GSE1: variants seen among roughly 807,000 people sequenced by gnomAD.
The protein encoded by GSE1 is Gse1 coiled-coil protein.
GSE1 carries 32 observed loss-of-function variants against 112.6 expected under a neutral mutation model. That is an observed-to-expected ratio of 0.28 (90% confidence interval 0.21 to 0.38). The LOEUF (loss-of-function observed/expected upper bound fraction) is 0.38. Among genes scored for constraint, GSE1 ranks in the 10% least tolerant of loss-of-function variants. GSE1 has a pLI of 1.00. For synonymous variants in GSE1, 1,115 were observed against 735.6 expected (o/e 1.52, Z -8.35); for missense variants, 2,348 against 1,699.2 (o/e 1.38, Z -6.71).
At chr16:85,293,096 C>T (rs2045269292) in intron 1 of GSE1, among the ~76,000 whole-genome samples, 1 of 152,138 alleles carries the variant, frequency 6.6e-6, no homozygotes, top group South Asian at 2.1e-4. Flanking sequence ...CCACCGATCC[C>T]CCATGGTCAG....
chr16:85,201,916 G>C (rs532709103), intron 1 of GSE1, among the ~76,000 whole-genome samples: 2 of 152,192 alleles, frequency 1.3e-5, no homozygotes, highest in African/African-American at 4.8e-5. Context: ...AGGAAGCTAG[G>C]GCTTTTCAGT....
At chr16:85,560,116 T>TTTC (rs1474991209) in intron 1 of GSE1, among the ~76,000 whole-genome samples, 7 of 144,334 alleles carry the variant, frequency 4.8e-5, no homozygotes, top group African/African-American at 7.8e-5. Context: ...AGAGCTTTTT[T>TTTC]TTCTTCTTCT....
upstream of GSE1, chr16:85,613,133 A>G (rs2048103728): frequency 8.1e-7 from 1 of 1,238,976 alleles, no homozygotes; most frequent in African/African-American, 1.6e-5. Flanking sequence ...TGCGGCTGAA[A>G]CCCGACACCT....
At chr16:85,313,873 G>A (rs977492367) in intron 1 of GSE1, among the ~76,000 whole-genome samples, 1 of 152,140 alleles carries the variant, frequency 6.6e-6, no homozygotes, top group Non-Finnish European at 1.5e-5. Context: ...TACATGAACA[G>A]CAAATGCATC....
chr16:85,616,493 A>G (rs1302123147), intron 1 of GSE1, among the ~76,000 whole-genome samples: 2 of 152,188 alleles, frequency 1.3e-5, no homozygotes, highest in African/African-American at 4.8e-5. Flanking sequence ...GGATCGGGCC[A>G]GGGTTGGATG....
intron 1 of GSE1, among the ~76,000 whole-genome samples, chr16:85,271,588 G>A (rs1359435672): frequency 1.3e-5 from 2 of 152,226 alleles, no homozygotes; most frequent in Non-Finnish European, 2.9e-5. Context: ...GCCCACGCTG[G>A]CTTTCCTGCT....
At chr16:85,484,912 C>G (rs1464333742) in intron 2 of GSE1, among the ~76,000 whole-genome samples, 1 of 152,228 alleles carries the variant, frequency 6.6e-6, no homozygotes, top group African/African-American at 2.4e-5. Context: ...TCACCCTGTG[C>G]CTGCCCTGGG....
At chr16:85,364,552 G>A (rs1342624317) in intron 2 of GSE1, among the ~76,000 whole-genome samples, 1 of 152,186 alleles carries the variant, frequency 6.6e-6, no homozygotes, top group African/African-American at 2.4e-5. Context: ...AGGGTTCATG[G>A]TGGGTCTTCC....
At chr16:85,332,157 G>A (rs1189805074) in intron 1 of GSE1, among the ~76,000 whole-genome samples, 1 of 152,162 alleles carries the variant, frequency 6.6e-6, no homozygotes, top group Admixed American at 6.5e-5. Context: ...AGTGGGACAA[G>A]TACCAGAGGT....
chr16:85,198,552 A>G (rs116112402), intron 1 of GSE1, among the ~76,000 whole-genome samples: 5,080 of 150,658 alleles, frequency 0.034, 266 homozygotes, highest in African/African-American at 0.12. Flanking sequence ...GAGGGTCGGG[A>G]TGGGGGTAGC....
At chr16:85,288,217 G>T (rs1204213993) in intron 1 of GSE1, among the ~76,000 whole-genome samples, 1 of 152,136 alleles carries the variant, frequency 6.6e-6, no homozygotes, top group East Asian at 1.9e-4. Context: ...TCCAGCCTGG[G>T]TGACAGAGCA....
intron 2 of GSE1, among the ~76,000 whole-genome samples, chr16:85,543,819 G>C (rs1312646862): frequency 6.7e-6 from 1 of 149,928 alleles, no homozygotes; most frequent in Non-Finnish European, 1.5e-5. Context: ...GCTCCTTGGG[G>C]GACAGTTGGC....
intron 1 of GSE1, among the ~76,000 whole-genome samples, chr16:85,559,266 G>C (rs1214207801): frequency 1.3e-5 from 2 of 152,210 alleles, no homozygotes; most frequent in Non-Finnish European, 2.9e-5. Flanking sequence ...CCACTTATCA[G>C]ATGAGCAAAG....
rs1567692446 is a variant in GSE1, at chr16:85,331,353, G to GTATATATATATA, written c.2284-26109_2284-26108insATATATATATAT. Among the ~76,000 whole-genome samples, 22 of 71,806 alleles carry GTATATATATATA rather than the reference G, an allele frequency of 3.1e-4. 4 individuals are homozygous for GTATATATATATA. Among genetic ancestry groups the GTATATATATATA allele is most frequent in the African/African-American group, 7.6e-4 (21 of 27,586 alleles). 47.1% of individuals were successfully genotyped at this position (71,806 alleles called of 152,430 possible). On this transcript the variant is annotated intron_variant, in intron 1 of 2. Coordinates refer to the GSE1 transcript ENST00000637419. ...TGTGTGTGTGTGTGTGTGTGTGTGT[G>GTATATATATATA]TGTGTGTGTGTGTATATATGTATAT...
chr16:85,622,595 G>T (rs1236099990), intron 1 of GSE1, among the ~76,000 whole-genome samples: 1 of 152,194 alleles, frequency 6.6e-6, no homozygotes, highest in Non-Finnish European at 1.5e-5. Context: ...GTATTTTCCT[G>T]GGGAGAGGGT....
intron 1 of GSE1, among the ~76,000 whole-genome samples, chr16:85,614,218 G>T (rs1432924298): frequency 6.6e-6 from 1 of 151,158 alleles, no homozygotes; most frequent in South Asian, 2.1e-4. Context: ...GCGCCTCCCC[G>T]CCCCCAGCCC....
Position 85,657,542 on chromosome 16 carries a change from C to G in GSE1, c.1578C>G (p.His526Gln). The change falls in exon 8 of 16, where the codon CAC (histidine) becomes CAG (glutamine). Residue 526 changes from histidine (H) to glutamine (Q), a missense_variant. Coordinates refer to ENST00000253458, the MANE Select transcript of GSE1 (RefSeq NM_014615.5). ...SEFRQQVLEQ[H>Q]LDMGRPPVPA... is the part of the protein sequence containing the mutation. The stretch of plus-strand genomic sequence containing the variant: ...TCCGGCAGCAGGTGCTGGAGCAGCA[C>G]CTGGATATGGGCCGGCCCCCGGTGC... The G allele has an allele frequency of 6.3e-7, 1 of 1,599,764 alleles. No individual in the cohort carries two copies. Among genetic ancestry groups the G allele is most frequent in the Non-Finnish European group, 8.5e-7 (1 of 1,172,840 alleles).
intron 1 of GSE1, among the ~76,000 whole-genome samples, chr16:85,632,654 C>T (rs2049635425): frequency 6.6e-6 from 1 of 152,302 alleles, no homozygotes; most frequent in Admixed American, 6.5e-5. Context: ...AGGGCAGCCT[C>T]TTCCGGGGAG....
At position 85,337,055 on chromosome 16, in the gene GSE1, T is replaced by C. The variant is rs548844612; in HGVS notation, c.2284-20408T>C. On this transcript the variant is annotated intron_variant, in intron 1 of 2. Coordinates refer to the GSE1 transcript ENST00000637419. ...TGCGCTTGATGCACACTGACACATATGCACACACCCTGGGTCTGCCCCCAG... is the reference window on the plus strand; with the variant it reads ...TGCGCTTGATGCACACTGACACATACGCACACACCCTGGGTCTGCCCCCAG... Among the ~76,000 whole-genome samples, 190 of 152,240 alleles carry C rather than the reference T, an allele frequency of 1.2e-3. 2 individuals carry two copies. Among genetic ancestry groups the C allele is most frequent in the Non-Finnish European group, 2.2e-4 (15 of 68,016 alleles).
Sources: allele counts gnomAD v4.1 joint callset (sites outside exome capture counted in the v4.1 genomes callset), GRCh38; gene constraint gnomAD v4.1.1; transcripts MANE v1.5; gene names NCBI Gene and HGNC (gene_info 2026-07-23, HGNC 2026-07-21).